Variants in OPCML observed in about 807,000 individuals in gnomAD.
OPCML encodes the protein opioid binding protein/cell adhesion molecule like.
OPCML carries 13 observed loss-of-function variants against 37.8 expected under a neutral mutation model. The observed-to-expected ratio is 0.34, with a 90% CI of 0.22 to 0.55. The LOEUF is 0.55. Ranked by LOEUF, OPCML falls within the 20% of genes least tolerant of loss-of-function variation. The pLI is 0.91. For missense variants in OPCML, 341 were observed against 435.6 expected (o/e 0.78, Z 1.93); for synonymous variants, 176 against 168.8 (o/e 1.04, Z -0.33).
chr11:132,821,069 G>A (rs1327965108), intron 2 of OPCML, among the ~76,000 whole-genome samples: 1 of 152,198 alleles, frequency 6.6e-6, no homozygotes, highest in African/African-American at 2.4e-5. Context: ...TCTCTGGTTA[G>A]AGGAGTGAGG....
chr11:132,551,678 C>T (rs1177381134), intron 3 of OPCML, among the ~76,000 whole-genome samples: 1 of 152,122 alleles, frequency 6.6e-6, no homozygotes, highest in East Asian at 1.9e-4. Flanking sequence ...TGACTCAGCG[C>T]AAGAAGACAG....
chr11:132,418,966 T>C lies in OPCML; in HGVS notation c.*1227A>G, dbSNP rs10894557. 15,562 of 152,744 alleles carry C rather than the reference T, an allele frequency of 0.1. 1,148 individuals are homozygous for C. The highest frequency in any genetic ancestry group is 0.15 in the Non-Finnish European group (10,527 of 68,030). 9.5% of individuals were successfully genotyped at this position (152,744 alleles called of 1,614,324 possible). ...GTGTTTTAGAAAACACAGGCTCTTC[T>C]GGGAATAGTGAGTGACTGATCATTA... On this transcript the variant is annotated 3_prime_UTR_variant, in exon 8 of 8. Transcript: ENST00000524381.
At chr11:132,583,662 G>A (rs1359539049) in intron 3 of OPCML, among the ~76,000 whole-genome samples, 3 of 151,904 alleles carry the variant, frequency 2.0e-5, no homozygotes, top group Non-Finnish European at 4.4e-5. Context: ...TGTTTCCCAG[G>A]CTGGAGTGTA....
intron 1 of OPCML, among the ~76,000 whole-genome samples, chr11:133,158,216 T>C (rs1950090336): frequency 6.6e-6 from 1 of 152,174 alleles, no homozygotes; most frequent in African/African-American, 2.4e-5. Flanking sequence ...GGCAAGTCCC[T>C]TCCCGTACCG....
intron 2 of OPCML, among the ~76,000 whole-genome samples, chr11:132,839,486 G>A (rs995460886): frequency 1.3e-5 from 2 of 152,188 alleles, no homozygotes; most frequent in African/African-American, 4.8e-5. Context: ...GCTTAAATTA[G>A]GTTTGCTAGA....
At chr11:133,140,850 C>CGAAGAAGACGAA (rs1949783430) in intron 1 of OPCML, among the ~76,000 whole-genome samples, 1 of 70,260 alleles carries the variant, frequency 1.4e-5, no homozygotes, top group African/African-American at 5.7e-5. Flanking sequence ...ACGACGACGA[C>CGAAGAAGACGAA]GACGAAGAAG....
chr11:132,981,782 G>C (rs1275658375), intron 1 of OPCML, among the ~76,000 whole-genome samples: 1 of 152,140 alleles, frequency 6.6e-6, no homozygotes, highest in African/African-American at 2.4e-5. Flanking sequence ...AACTATGATA[G>C]CTGAGTCAGC....
intron 2 of OPCML, among the ~76,000 whole-genome samples, chr11:132,761,016 T>C (rs1946241165): frequency 6.6e-6 from 1 of 152,144 alleles, no homozygotes; most frequent in African/African-American, 2.4e-5. Context: ...TCCCTAGCAT[T>C]TGCTTGTCTG....
chr11:133,089,681 C>T (rs763187562), intron 1 of OPCML, among the ~76,000 whole-genome samples: 2 of 151,844 alleles, frequency 1.3e-5, no homozygotes, highest in African/African-American at 4.8e-5. Flanking sequence ...TAACTACGTA[C>T]TGAAGTACAG....
intron 1 of OPCML, among the ~76,000 whole-genome samples, chr11:133,473,171 C>T (rs1947155095): frequency 6.6e-6 from 1 of 151,716 alleles, no homozygotes; most frequent in Non-Finnish European, 1.5e-5. Context: ...TGACTTTGAC[C>T]TCCCCCTAAG....
intron 1 of OPCML, among the ~76,000 whole-genome samples, chr11:133,368,052 T>C (rs1944585754): frequency 1.3e-5 from 2 of 152,256 alleles, no homozygotes; most frequent in South Asian, 4.1e-4. Context: ...AGGCAGTCCT[T>C]GGAGGAATAT....
rs558878433 is a variant in OPCML, at chr11:132,728,865, G to A, written c.147-71546C>T. 3.9e-5 allele frequency among the ~76,000 whole-genome samples: 6 copies of A among 152,306 alleles called. No homozygotes were observed. The South Asian group carries it at 1.2e-3, about 32-fold the overall frequency. ...CCTGAATTAAATATGTAGCTGAGTA[G>A]ATGCCCATTCAATTTTGACTACTGC... On this transcript the variant is annotated intron_variant, in intron 2 of 7. Transcript: ENST00000524381.
At chr11:133,061,028 T>G (rs7946066) in intron 1 of OPCML, among the ~76,000 whole-genome samples, 33,547 of 152,234 alleles carry the variant, frequency 0.22, 4,049 homozygotes, top group African/African-American at 0.26. Flanking sequence ...TGTTTGATTT[T>G]ATTTTCATGT....
intron 2 of OPCML, among the ~76,000 whole-genome samples, chr11:132,720,380 A>G (rs367543494): frequency 2.6e-5 from 4 of 152,224 alleles, no homozygotes; most frequent in African/African-American, 9.6e-5. Flanking sequence ...CCTCAGCTTT[A>G]CTGACTACTT....
At chr11:133,278,831 C>T (rs967864531) in intron 1 of OPCML, among the ~76,000 whole-genome samples, 5 of 152,166 alleles carry the variant, frequency 3.3e-5, no homozygotes, top group African/African-American at 9.7e-5. Context: ...TACCTCAACT[C>T]TCATAGAAAT....
chr11:132,673,523 C>T (rs1942568170), intron 2 of OPCML, among the ~76,000 whole-genome samples: 1 of 152,074 alleles, frequency 6.6e-6, no homozygotes, highest in Admixed American at 6.5e-5. Flanking sequence ...TTATTGAGCT[C>T]ATCAACTGCA....
At chr11:133,344,581 T>A (rs1023699443) in intron 1 of OPCML, among the ~76,000 whole-genome samples, 1 of 152,192 alleles carries the variant, frequency 6.6e-6, no homozygotes, top group South Asian at 2.1e-4. Context: ...ACATGTGGCA[T>A]GCTGGCCATG....
At chr11:132,823,524 C>T (rs528228906) in intron 2 of OPCML, among the ~76,000 whole-genome samples, 6 of 152,030 alleles carry the variant, frequency 3.9e-5, no homozygotes, top group African/African-American at 7.2e-5. Flanking sequence ...CATCAATATA[C>T]GCTTCTCTGT....
At chr11:133,327,972 T>C (rs1158368414) in intron 1 of OPCML, among the ~76,000 whole-genome samples, 2 of 152,152 alleles carry the variant, frequency 1.3e-5, no homozygotes, top group Non-Finnish European at 2.9e-5. Context: ...ACGGGTTTGG[T>C]GGCTATTTTA....
Sources: allele counts gnomAD v4.1 joint callset (sites outside exome capture counted in the v4.1 genomes callset), GRCh38; gene constraint gnomAD v4.1.1; transcripts MANE v1.5; gene names NCBI Gene and HGNC (gene_info 2026-07-23, HGNC 2026-07-21).